The following TOX variants were observed in gnomAD, a reference collection of about 807,000 sequenced individuals.
TOX encodes the protein thymocyte selection-associated high mobility group box protein TOX.
In TOX, 11 loss-of-function variants were observed where a neutral mutation model predicts 53.7. The observed-to-expected ratio is 0.20, with a 90% CI of 0.13 to 0.34. TOX has a LOEUF of 0.34. TOX is among the 10% of genes least tolerant of loss of function. The pLI is 1.00. For synonymous variants in TOX, 225 were observed against 245.3 expected, an observed-to-expected ratio of 0.92 and a Z score of 0.77; for missense variants, 570 against 664.6, an observed-to-expected ratio of 0.86 and a Z score of 1.56.
chr8:59,107,051 G>GT lies in TOX; in HGVS notation c.102+11834_102+11835insA, dbSNP rs1179506606. Among the ~76,000 whole-genome samples the GT allele has an allele frequency of 1.5e-5, 2 of 130,930 alleles. 1 individual carries two copies. The highest frequency in any genetic ancestry group is 5.9e-5 in the African/African-American group (2 of 34,012). The allele number at this position is 130,930 out of a possible 152,430, so 85.9% of individuals were successfully genotyped here. ...GATCTTATAAAGCAGTTTGCTGGGGGGGGGGGGAACGTGACATTTCTAATT... is the reference window on the plus strand; with the variant it reads ...GATCTTATAAAGCAGTTTGCTGGGGGTGGGGGGGAACGTGACATTTCTAATT... On this transcript the variant is annotated intron_variant, in intron 1 of 8. Transcript: ENST00000361421.
At chr8:58,948,761 T>A (rs781694767) in intron 2 of TOX, among the ~76,000 whole-genome samples, 11 of 152,160 alleles carry the variant, frequency 7.2e-5, no homozygotes, top group African/African-American at 2.4e-5. Context: ...GTTCGTACAT[T>A]CTGAGATCCA....
chr8:59,013,345 A>C (rs551322998), intron 1 of TOX, among the ~76,000 whole-genome samples: 2 of 151,940 alleles, frequency 1.3e-5, no homozygotes, highest in African/African-American at 2.4e-5. Context: ...GAGGCTTCAG[A>C]TTATCTTAAA....
chr8:59,105,139 A>C (rs561402479), intron 1 of TOX, among the ~76,000 whole-genome samples: 1 of 152,288 alleles, frequency 6.6e-6, no homozygotes, highest in South Asian at 2.1e-4. Context: ...TTGACTTCTT[A>C]GGCTCAAATA....
chr8:59,062,871 T>A (rs1292124364), intron 1 of TOX, among the ~76,000 whole-genome samples: 1 of 152,202 alleles, frequency 6.6e-6, no homozygotes, highest in African/African-American at 2.4e-5. Context: ...AGGTCTATCA[T>A]CAAGCTTTAA....
At chr8:58,878,982 A>G (rs538194162) in intron 3 of TOX, among the ~76,000 whole-genome samples, 13 of 148,312 alleles carry the variant, frequency 8.8e-5, no homozygotes, top group Non-Finnish European at 1.6e-4. Context: ...AATCGCTTGA[A>G]CCCGGGAGGC....
At chr8:58,949,685 C>A (rs1189356218) in intron 2 of TOX, among the ~76,000 whole-genome samples, 2 of 151,906 alleles carry the variant, frequency 1.3e-5, no homozygotes, top group Non-Finnish European at 2.9e-5. Flanking sequence ...TCATGTGCAG[C>A]CTTTAAGTTT....
intron 3 of TOX, among the ~76,000 whole-genome samples, chr8:58,923,662 A>AT (rs1468000954): frequency 6.6e-6 from 1 of 152,056 alleles, no homozygotes; most frequent in Non-Finnish European, 1.5e-5. Context: ...CTGTTGCATG[A>AT]TTTTCTGAAT....
intron 1 of TOX, among the ~76,000 whole-genome samples, chr8:59,006,904 C>T (rs1266052789): frequency 1.3e-5 from 2 of 152,186 alleles, no homozygotes; most frequent in African/African-American, 4.8e-5. Context: ...TCCAGTTCCT[C>T]CCAGAAGCAT....
chr8:58,957,527 C>G (rs919047690), intron 2 of TOX, among the ~76,000 whole-genome samples: 2 of 152,194 alleles, frequency 1.3e-5, no homozygotes, highest in Non-Finnish European at 2.9e-5. Context: ...AAAAGAATAT[C>G]ATTAATTTTT....
At chr8:58,808,338 T>C in intron 7 of TOX, 69 bp from the exon 8 acceptor site, 1 of 1,539,108 alleles carries the variant, frequency 6.5e-7, no homozygotes. Flanking sequence ...CCTAAATATT[T>C]ATTCATTCTT....
At chr8:59,033,690 C>T (rs978033760) in intron 1 of TOX, among the ~76,000 whole-genome samples, 3 of 152,112 alleles carry the variant, frequency 2.0e-5, no homozygotes, top group African/African-American at 7.2e-5. Context: ...TGGTCTTAGT[C>T]GAATTGGGGC....
intron 1 of TOX, among the ~76,000 whole-genome samples, chr8:58,964,005 T>C (rs1356144559): frequency 6.6e-6 from 1 of 152,152 alleles, no homozygotes; most frequent in African/African-American, 2.4e-5. Context: ...TTGATGGCTT[T>C]TTAAGGCAGG....
chr8:59,106,668 CAT>C (rs1485759870), intron 1 of TOX, among the ~76,000 whole-genome samples: 2 of 152,152 alleles, frequency 1.3e-5, no homozygotes, highest in East Asian at 1.9e-4. Context: ...GATATGCACA[CAT>C]GATACGCAAT....
intron 1 of TOX, among the ~76,000 whole-genome samples, chr8:59,098,642 G>A (rs953808527): frequency 3.9e-5 from 6 of 152,108 alleles, no homozygotes; most frequent in Non-Finnish European, 8.8e-5. Context: ...TAATAATGAT[G>A]ATAAATCTGT....
rs1045617008 is a variant in TOX, at chr8:59,088,368, A to G, written c.102+30518T>C. On this transcript the variant is annotated intron_variant, in intron 1 of 8. Coordinates refer to ENST00000361421, the MANE Select transcript of TOX (RefSeq NM_014729.3). Reference sequence around the variant, plus strand: ...GAAGGGAAATTCATCATAGGAATTTATATTTCCAATGGGAATATAATCAGA... The same window carrying G: ...GAAGGGAAATTCATCATAGGAATTTGTATTTCCAATGGGAATATAATCAGA... Among the ~76,000 whole-genome samples, 5 of 152,370 alleles carry G rather than the reference A, an allele frequency of 3.3e-5. No homozygotes were observed. In the East Asian group the frequency reaches 5.8e-4, roughly 18 times the overall value.
chr8:59,062,126 C>T (rs1803996510), intron 1 of TOX, among the ~76,000 whole-genome samples: 4 of 152,082 alleles, frequency 2.6e-5, no homozygotes, highest in African/African-American at 9.7e-5. Flanking sequence ...AGTTTTTTAC[C>T]AAAACCCAAA....
intron 7 of TOX, among the ~76,000 whole-genome samples, chr8:58,810,917 T>C (rs935151940): frequency 6.6e-6 from 1 of 152,094 alleles, no homozygotes; most frequent in African/African-American, 2.4e-5. Context: ...GAAAACATTA[T>C]TAGTTTAAGA....
intron 6 of TOX, 130 bp from the exon 7 acceptor site, chr8:58,815,854 T>A: frequency 2.1e-6 from 2 of 962,720 alleles, no homozygotes; most frequent in Non-Finnish European, 2.9e-6. Flanking sequence ...GACTCTCTGA[T>A]CTAAGAATTT....
chr8:59,062,827 A>T (rs74381219), intron 1 of TOX, among the ~76,000 whole-genome samples: 2 of 152,140 alleles, frequency 1.3e-5, no homozygotes, highest in Non-Finnish European at 2.9e-5. Context: ...AGAGAGAAAG[A>T]AAGTTAAAAT....
Sources: allele counts gnomAD v4.1 joint callset (sites outside exome capture counted in the v4.1 genomes callset), GRCh38; gene constraint gnomAD v4.1.1; transcripts MANE v1.5; gene names NCBI Gene and HGNC (gene_info 2026-07-23, HGNC 2026-07-21).